The following L3MBTL4 variants were observed in gnomAD, a reference collection of about 807,000 sequenced individuals.
L3MBTL4 encodes the protein lethal(3)malignant brain tumor-like protein 4.
L3MBTL4 carries 70 observed loss-of-function variants against 84.5 expected under a neutral mutation model. The ratio of observed to expected loss-of-function variants is 0.83; its 90% CI spans 0.68 to 1.01. L3MBTL4 has a LOEUF of 1.01. Among genes scored for constraint, L3MBTL4 ranks in the 50% least tolerant of loss-of-function variants. L3MBTL4 has a pLI of 0.00. For synonymous variants in L3MBTL4, 274 were observed against 259.8 expected (o/e 1.05, Z -0.52); for missense variants, 715 against 754.8 (o/e 0.95, Z 0.62).
chr18:6,229,005 T>C (rs2046888891), intron 10 of L3MBTL4, among the ~76,000 whole-genome samples: 3 of 151,642 alleles, frequency 2.0e-5, no homozygotes, highest in Admixed American at 6.6e-5. Context: ...CCAGGGAAAA[T>C]AAAAGTGGTA....
intron 1 of L3MBTL4, among the ~76,000 whole-genome samples, chr18:6,392,258 T>A (rs2055086834): frequency 6.6e-6 from 1 of 152,182 alleles, no homozygotes; most frequent in Non-Finnish European, 1.5e-5. Flanking sequence ...TATTAATAAA[T>A]GGTGCTGGAG....
chr18:6,156,277 T>C (rs1020397150), intron 13 of L3MBTL4, among the ~76,000 whole-genome samples: 2 of 152,202 alleles, frequency 1.3e-5, no homozygotes, highest in Non-Finnish European at 2.9e-5. Context: ...GGTGCCTTTA[T>C]CATCATGGCC....
At chr18:6,235,413 A>G (rs1035660684) in intron 10 of L3MBTL4, among the ~76,000 whole-genome samples, 2 of 152,196 alleles carry the variant, frequency 1.3e-5, no homozygotes, top group Admixed American at 6.5e-5. Context: ...AATAACCAAA[A>G]GGTACAACTA....
intron 16 of L3MBTL4, among the ~76,000 whole-genome samples, chr18:5,975,422 G>A (rs539927447): frequency 3.3e-4 from 51 of 152,266 alleles, no homozygotes; most frequent in African/African-American, 1.2e-3. Flanking sequence ...GACAGTCACC[G>A]ACCAAGTCCC....
At chr18:6,332,780 G>C (rs915581416) in intron 1 of L3MBTL4, among the ~76,000 whole-genome samples, 4 of 152,212 alleles carry the variant, frequency 2.6e-5, no homozygotes. Flanking sequence ...GCTCAGTTTT[G>C]TGAGCTAATA....
chr18:6,095,740 T>C (rs1598734355), intron 14 of L3MBTL4, among the ~76,000 whole-genome samples: 4 of 152,192 alleles, frequency 2.6e-5, no homozygotes, highest in African/African-American at 4.8e-5. Flanking sequence ...GGCAAGTATT[T>C]ACAGGCTAAT....
At chr18:6,277,408 C>T (rs1270502182) in intron 4 of L3MBTL4, among the ~76,000 whole-genome samples, 2 of 152,204 alleles carry the variant, frequency 1.3e-5, no homozygotes, top group Admixed American at 6.5e-5. Context: ...GCTGTGTCCT[C>T]CTGAGCTGAT....
chr18:6,017,469 T>G (rs1417504015), intron 16 of L3MBTL4, among the ~76,000 whole-genome samples: 1 of 152,254 alleles, frequency 6.6e-6, no homozygotes, highest in African/African-American at 2.4e-5. Flanking sequence ...TAAATACATA[T>G]TATGTCACAA....
chr18:6,371,642 A>T (rs2054165542), intron 1 of L3MBTL4, among the ~76,000 whole-genome samples: 1 of 152,238 alleles, frequency 6.6e-6, no homozygotes, highest in Non-Finnish European at 1.5e-5. Context: ...TGAATTGTTA[A>T]GGCAGGGCAC....
chr18:6,071,761 A>G (rs199759476), intron 16 of L3MBTL4, among the ~76,000 whole-genome samples: 9,833 of 88,986 alleles, frequency 0.11, 675 homozygotes, highest in African/African-American at 0.23. Flanking sequence ...AAGAAAGAAA[A>G]AAAGAAAGAA....
intron 13 of L3MBTL4, among the ~76,000 whole-genome samples, chr18:6,149,709 T>A (rs34431014): frequency 0.011 from 1,623 of 152,314 alleles, 21 homozygotes; most frequent in Non-Finnish European, 0.018. Flanking sequence ...AAGGACTTTT[T>A]AACTTTATTT....
chr18:6,046,692 G>A (rs761180400), intron 16 of L3MBTL4: 3 of 757,908 alleles, frequency 4.0e-6, no homozygotes, highest in African/African-American at 1.7e-5. Flanking sequence ...GTAAAAAAAA[G>A]TCTTTGAAAT....
intron 1 of L3MBTL4, among the ~76,000 whole-genome samples, chr18:6,372,445 T>A (rs2054194157): frequency 6.6e-6 from 1 of 152,216 alleles, no homozygotes; most frequent in African/African-American, 2.4e-5. Context: ...TGTAACAGTG[T>A]CTTATTAGTT....
intron 16 of L3MBTL4, among the ~76,000 whole-genome samples, chr18:5,974,395 A>G (rs1190413255): frequency 6.7e-6 from 1 of 150,328 alleles, no homozygotes; most frequent in Non-Finnish European, 1.5e-5. Flanking sequence ...CCCATCTCCA[A>G]AGAAAAGTCA....
rs1465414272 is a variant in L3MBTL4, at chr18:6,105,609, G to A, written c.1200-12081C>T. Among the ~76,000 whole-genome samples the A allele has an allele frequency of 6.7e-5, 10 of 149,570 alleles. 1 individual carries two copies. On this transcript the variant is annotated intron_variant, in intron 14 of 18. Transcript: ENST00000317931. ...AGGTCAGGAGTTTGAGAACAGCCTG[G>A]CCAACATGATGAAACCCCGTCTCTA...
intron 16 of L3MBTL4, among the ~76,000 whole-genome samples, chr18:5,978,781 A>C (rs189354560): frequency 4.1e-4 from 63 of 152,246 alleles, no homozygotes; most frequent in African/African-American, 1.2e-3. Flanking sequence ...GGTTGTGAGG[A>C]GCTAATGGAT....
At chr18:6,189,756 G>C (rs1327949780) in intron 12 of L3MBTL4, among the ~76,000 whole-genome samples, 1 of 152,124 alleles carries the variant, frequency 6.6e-6, no homozygotes, top group Non-Finnish European at 1.5e-5. Flanking sequence ...TTCATTAAAT[G>C]TGTTTTAGCA....
chr18:6,172,295 G>T (rs2044012038), intron 12 of L3MBTL4, among the ~76,000 whole-genome samples: 1 of 152,100 alleles, frequency 6.6e-6, no homozygotes, highest in Admixed American at 6.6e-5. Context: ...ACCACTTCAA[G>T]AACCATGTCA....
intron 1 of L3MBTL4, among the ~76,000 whole-genome samples, chr18:6,384,761 G>T (rs1431044451): frequency 6.6e-6 from 1 of 152,190 alleles, no homozygotes; most frequent in African/African-American, 2.4e-5. Context: ...TCCCTGGCTT[G>T]CTGTCTGTCA....
Sources: gnomAD v4.1 joint callset for allele counts (sites outside exome capture counted in the v4.1 genomes callset) on GRCh38, gnomAD v4.1.1 for gene constraint, MANE v1.5 for transcripts, NCBI Gene and HGNC (gene_info 2026-07-23, HGNC 2026-07-21) for gene names.